PTPRK: variants seen among roughly 807,000 people sequenced by gnomAD.
PTPRK encodes receptor-type tyrosine-protein phosphatase kappa.
A neutral mutation model predicts 178.0 loss-of-function variants in PTPRK; 75 were observed. The ratio of observed to expected loss-of-function variants is 0.42; its 90% CI spans 0.35 to 0.51. The LOEUF (loss-of-function observed/expected upper bound fraction) is 0.51. Among genes scored for constraint, PTPRK ranks in the 20% least tolerant of loss-of-function variants. PTPRK has a pLI of 0.02. For missense variants in PTPRK, 1,441 were observed against 1,797.8 expected (o/e 0.80, Z 3.59); for synonymous variants, 637 against 620.6 (o/e 1.03, Z -0.39).
intron 1 of PTPRK, among the ~76,000 whole-genome samples, chr6:128,464,626 TATATATATACAC>T (rs66557906): frequency 6.7e-5 from 5 of 74,976 alleles, no homozygotes; most frequent in Non-Finnish European, 7.0e-5. Flanking sequence ...TATACATATA[TATATATATACAC>T]ATATATATAT....
At chr6:128,301,511 C>T (rs76186878) in intron 3 of PTPRK, among the ~76,000 whole-genome samples, 1,622 of 151,816 alleles carry the variant, frequency 0.011, 32 homozygotes, top group African/African-American at 0.037. Context: ...TTATTAGTTA[C>T]GATAATAATA....
In PTPRK at chr6:128,422,676, C is replaced by CAAAAAAAAAAA. The variant is rs750423577; in HGVS notation, c.101-24999_101-24989dup. Among the ~76,000 whole-genome samples, 5 of 14,716 alleles carry CAAAAAAAAAAA rather than the reference C, an allele frequency of 3.4e-4. 1 individual carries two copies. The highest frequency in any genetic ancestry group is 6.6e-4 in the African/African-American group (4 of 6,038). 9.7% of individuals were successfully genotyped at this position (14,716 alleles called of 152,430 possible). ...AATAGTTTTTAACATTTCACGGACG[C>CAAAAAAAAAAA]AAAAAAAAAAAAAAAAAAAAAAAAA... On this transcript the variant is annotated intron_variant, in intron 1 of 29. Coordinates refer to ENST00000368226, the MANE Select transcript of PTPRK (RefSeq NM_002844.4).
chr6:128,218,590 C>T (rs1269000307), intron 6 of PTPRK, among the ~76,000 whole-genome samples: 2 of 152,194 alleles, frequency 1.3e-5, no homozygotes, highest in African/African-American at 4.8e-5. Flanking sequence ...ATCCGCAGAA[C>T]TGTTTTAAAC....
intron 7 of PTPRK, among the ~76,000 whole-genome samples, chr6:128,099,507 C>T (rs1788445029): frequency 6.6e-6 from 1 of 152,018 alleles, no homozygotes; most frequent in Non-Finnish European, 1.5e-5. Flanking sequence ...GATTTTAACA[C>T]ATCAACTTAG....
intron 3 of PTPRK, among the ~76,000 whole-genome samples, chr6:128,255,287 C>A (rs150541630): frequency 6.6e-6 from 1 of 152,144 alleles, no homozygotes; most frequent in Admixed American, 6.5e-5. Flanking sequence ...CCATGCCGGG[C>A]CCTAAATCAG....
At chr6:128,232,904 T>C (rs955779347) in intron 5 of PTPRK, among the ~76,000 whole-genome samples, 2 of 152,208 alleles carry the variant, frequency 1.3e-5, no homozygotes, top group Admixed American at 6.5e-5. Context: ...GCATTGTTTT[T>C]TCTTTATGCA....
chr6:128,418,468 G>T (rs1458749419), intron 1 of PTPRK, among the ~76,000 whole-genome samples: 2 of 152,174 alleles, frequency 1.3e-5, no homozygotes, highest in Non-Finnish European at 2.9e-5. Context: ...GATTCTGATA[G>T]AAGTGTGAAC....
intron 15 of PTPRK, chr6:128,001,304 G>A: frequency 2.3e-6 from 2 of 881,960 alleles, no homozygotes; most frequent in Non-Finnish European, 3.4e-6. Flanking sequence ...TTAGCATTAA[G>A]CAATATTTGA....
intron 13 of PTPRK, among the ~76,000 whole-genome samples, chr6:128,031,092 C>T (rs138383573): frequency 9.2e-5 from 14 of 152,218 alleles, no homozygotes; most frequent in African/African-American, 1.4e-4. Flanking sequence ...TAAAATCATA[C>T]GTAGGGACCC....
At chr6:128,225,072 T>A (rs1223183779) in intron 5 of PTPRK, among the ~76,000 whole-genome samples, 3 of 152,144 alleles carry the variant, frequency 2.0e-5, no homozygotes, top group African/African-American at 7.2e-5. Flanking sequence ...TACTTCAGAG[T>A]CTCTTTTCAA....
At chr6:128,031,494 A>T (rs1268416119) in intron 13 of PTPRK, among the ~76,000 whole-genome samples, 1 of 152,248 alleles carries the variant, frequency 6.6e-6, no homozygotes, top group Admixed American at 6.5e-5. Context: ...TTCACAGAAG[A>T]AACTGATGAA....
In PTPRK at chr6:128,005,551, T is replaced by G. The variant is rs570095017; in HGVS notation, c.2334-307A>C. 6.0e-4 allele frequency among the ~76,000 whole-genome samples: 90 copies of G among 149,946 alleles called. 1 individual carries two copies. Among genetic ancestry groups the G allele is most frequent in the African/African-American group, 2.1e-3 (88 of 41,020 alleles). ...ATTTATTAAAAGCAAAATAAATACCTCCTTACTAGAGTAATTCAATAAATA... is the reference window on the plus strand; with the variant it reads ...ATTTATTAAAAGCAAAATAAATACCGCCTTACTAGAGTAATTCAATAAATA... On this transcript the variant is annotated intron_variant, in intron 14 of 29. Coordinates refer to ENST00000368226, the MANE Select transcript of PTPRK (RefSeq NM_002844.4).
chr6:128,241,378 C>G, intron 4 of PTPRK: 1 of 509,530 alleles, frequency 2.0e-6, no homozygotes, highest in East Asian at 5.6e-5. Flanking sequence ...CAATCAGAAC[C>G]AGGGGAAGAG....
At chr6:128,520,073 C>A (rs148944561) in intron 1 of PTPRK, among the ~76,000 whole-genome samples, 186 bp downstream of exon 1, 1 of 152,168 alleles carries the variant, frequency 6.6e-6, no homozygotes, top group Non-Finnish European at 1.5e-5. Flanking sequence ...CGGAGAGGAA[C>A]AATGGGTGCC....
At chr6:128,481,539 C>T (rs1265667895) in intron 1 of PTPRK, among the ~76,000 whole-genome samples, 1 of 151,982 alleles carries the variant, frequency 6.6e-6, no homozygotes, top group Non-Finnish European at 1.5e-5. Flanking sequence ...GTCTGTTTCC[C>T]CATGTGATAC....
At chr6:128,499,391 T>C (rs927624264) in intron 1 of PTPRK, among the ~76,000 whole-genome samples, 1 of 152,266 alleles carries the variant, frequency 6.6e-6, no homozygotes, top group Non-Finnish European at 1.5e-5. Context: ...AACTTACATA[T>C]GTGTAGCTCA....
chr6:128,476,115 T>G (rs1851342325), intron 1 of PTPRK, among the ~76,000 whole-genome samples: 1 of 151,906 alleles, frequency 6.6e-6, no homozygotes, highest in Non-Finnish European at 1.5e-5. Context: ...CAGATTTACT[T>G]CTGTCACCCA....
intron 1 of PTPRK, among the ~76,000 whole-genome samples, chr6:128,408,445 C>T (rs1237948985): frequency 6.6e-6 from 1 of 152,102 alleles, no homozygotes; most frequent in Non-Finnish European, 1.5e-5. Flanking sequence ...GGAAAAATCT[C>T]TCAGCTTCAC....
At chr6:128,043,656 G>T (rs188444791) in intron 13 of PTPRK, among the ~76,000 whole-genome samples, 13 of 151,252 alleles carry the variant, frequency 8.6e-5, no homozygotes, top group African/African-American at 3.2e-4. Flanking sequence ...AAAAAAAAGA[G>T]AAAGATAGAT....
Sources: gnomAD v4.1 joint callset for allele counts (sites outside exome capture counted in the v4.1 genomes callset) on GRCh38, gnomAD v4.1.1 for gene constraint, MANE v1.5 for transcripts, NCBI Gene and HGNC (gene_info 2026-07-23, HGNC 2026-07-21) for gene names.